CACNA2D3: variants seen among roughly 807,000 people sequenced by gnomAD.
The protein encoded by CACNA2D3 is voltage-dependent calcium channel subunit alpha-2/delta-3.
CACNA2D3 carries 60 observed loss-of-function variants against 160.6 expected under a neutral mutation model. The ratio of observed to expected loss-of-function variants is 0.37; its 90% CI spans 0.30 to 0.46. The LOEUF is 0.46. Ranked by LOEUF, CACNA2D3 falls within the 20% of genes least tolerant of loss-of-function variation. The probability of loss-of-function intolerance (pLI) is 1.00; values close to 1 mark genes in which losing one functional copy is unlikely to be tolerated. For synonymous variants in CACNA2D3, 558 were observed against 492.9 expected, an observed-to-expected ratio of 1.13 and a Z score of -1.75; for missense variants, 1,205 against 1,365.0, an observed-to-expected ratio of 0.88 and a Z score of 1.85.
intron 27 of CACNA2D3, among the ~76,000 whole-genome samples, chr3:54,940,415 C>A (rs1017475159): frequency 3.9e-5 from 6 of 152,270 alleles, no homozygotes; most frequent in Admixed American, 1.3e-4. Flanking sequence ...GTGCCTAATG[C>A]TGTAAAATTA....
chr3:55,028,041 T>C (rs1299597109), intron 35 of CACNA2D3, among the ~76,000 whole-genome samples: 3 of 152,234 alleles, frequency 2.0e-5, no homozygotes, highest in African/African-American at 7.2e-5. Flanking sequence ...TCTACCCATA[T>C]AGCAGAAGTC....
intron 2 of CACNA2D3, among the ~76,000 whole-genome samples, chr3:54,194,083 G>A (rs1701028615): frequency 6.6e-6 from 1 of 152,084 alleles, no homozygotes; most frequent in Non-Finnish European, 1.5e-5. Context: ...GGGTGTGTGA[G>A]TGGTGGTGGG....
At chr3:54,529,435 C>T (rs928653820) in intron 5 of CACNA2D3, among the ~76,000 whole-genome samples, 1 of 152,196 alleles carries the variant, frequency 6.6e-6, no homozygotes, top group Non-Finnish European at 1.5e-5. Context: ...TGTGCTACAG[C>T]CATTAAGAAT....
intron 4 of CACNA2D3, among the ~76,000 whole-genome samples, chr3:54,477,179 A>G (rs1406899234): frequency 6.6e-6 from 1 of 152,134 alleles, no homozygotes; most frequent in Non-Finnish European, 1.5e-5. Context: ...ATTAGCTCAT[A>G]TGTAAAGTGA....
chr3:54,882,601 A>G (rs1699826714), intron 21 of CACNA2D3, among the ~76,000 whole-genome samples: 1 of 152,166 alleles, frequency 6.6e-6, no homozygotes, highest in African/African-American at 2.4e-5. Context: ...ATCCACCCAA[A>G]TGAGGTCATA....
chr3:54,542,135 C>T (rs556707774), intron 5 of CACNA2D3, among the ~76,000 whole-genome samples: 40 of 151,840 alleles, frequency 2.6e-4, no homozygotes, highest in African/African-American at 7.2e-4. Flanking sequence ...GATCTCGGCT[C>T]GCTGCAACCT....
chr3:54,721,306 TTC>T (rs1383891592), intron 11 of CACNA2D3, among the ~76,000 whole-genome samples: 3 of 152,230 alleles, frequency 2.0e-5, no homozygotes, highest in Non-Finnish European at 2.9e-5. Context: ...TTCCCCCATT[TTC>T]TGTGTTATTA....
rs186281060 is a variant in CACNA2D3 at position 54,466,942 on chromosome 3, G to T, written c.382-36550G>T. Among the ~76,000 whole-genome samples, 16 of 152,282 alleles carry T rather than the reference G, an allele frequency of 1.1e-4. No homozygotes were observed. In the East Asian group the frequency reaches 2.7e-3, roughly 26 times the overall value. ...AAGAAAAGTTCAGATGGTCCTGCTG[G>T]GTTCTGCTGTGCTGTGGCTTATAGC... On this transcript the variant is annotated intron_variant, in intron 4 of 37. Coordinates refer to ENST00000474759, the MANE Select transcript of CACNA2D3 (RefSeq NM_018398.3).
chr3:54,193,465 T>A (rs1374581603), intron 2 of CACNA2D3, among the ~76,000 whole-genome samples: 3 of 152,340 alleles, frequency 2.0e-5, no homozygotes, highest in Admixed American at 1.3e-4. Flanking sequence ...ATCATAATAG[T>A]AAACATTTGA....
chr3:54,346,177 C>T (rs977654410), intron 3 of CACNA2D3, among the ~76,000 whole-genome samples: 2 of 152,174 alleles, frequency 1.3e-5, no homozygotes, highest in Non-Finnish European at 2.9e-5. Context: ...GTAAGTGTTA[C>T]TTCCCGAGAT....
intron 3 of CACNA2D3, among the ~76,000 whole-genome samples, chr3:54,357,392 T>C (rs1258574866): frequency 6.6e-6 from 1 of 152,216 alleles, no homozygotes; most frequent in East Asian, 1.9e-4. Flanking sequence ...CATTCACATC[T>C]TTTATTGAAA....
At chr3:54,869,044 A>T (rs1343230839) in intron 17 of CACNA2D3, among the ~76,000 whole-genome samples, 2 of 152,208 alleles carry the variant, frequency 1.3e-5, no homozygotes, top group Non-Finnish European at 2.9e-5. Flanking sequence ...GCTCAGGATC[A>T]CACACCCAAT....
intron 5 of CACNA2D3, among the ~76,000 whole-genome samples, chr3:54,507,820 A>G (rs1270396239): frequency 6.6e-6 from 1 of 152,214 alleles, no homozygotes; most frequent in Non-Finnish European, 1.5e-5. Context: ...GTAACTGCAT[A>G]CAATACCTGT....
At chr3:54,567,623 C>T (rs1045831985) in intron 6 of CACNA2D3, among the ~76,000 whole-genome samples, 2 of 152,188 alleles carry the variant, frequency 1.3e-5, no homozygotes, top group Admixed American at 6.5e-5. Context: ...GCAACCTCTG[C>T]TGCCCAAGTT....
At chr3:54,388,288 A>T (rs773850861) in intron 4 of CACNA2D3, among the ~76,000 whole-genome samples, 7 of 152,180 alleles carry the variant, frequency 4.6e-5, no homozygotes, top group African/African-American at 9.7e-5. Flanking sequence ...ATTTGGGATA[A>T]TGATACCCAA....
chr3:54,298,944 T>TAAA (rs59100168), intron 2 of CACNA2D3, among the ~76,000 whole-genome samples: 13 of 99,310 alleles, frequency 1.3e-4, no homozygotes, highest in East Asian at 5.8e-4. Context: ...CTCTGTTTCT[T>TAAA]AAAAAAAAAA....
At chr3:54,664,850 T>A (rs543828) in intron 11 of CACNA2D3, among the ~76,000 whole-genome samples, 123,661 of 152,112 alleles carry the variant, frequency 0.81, 52,025 homozygotes, top group Non-Finnish European at 0.93. Context: ...AGGTGGAGGC[T>A]CTGGCTGTGT....
intron 11 of CACNA2D3, among the ~76,000 whole-genome samples, chr3:54,685,540 A>G (rs945359118): frequency 3.3e-5 from 5 of 152,240 alleles, no homozygotes; most frequent in African/African-American, 1.2e-4. Flanking sequence ...GCTGTATATT[A>G]CAGTGACTAA....
chr3:54,844,232 C>A (rs115971521), intron 16 of CACNA2D3, among the ~76,000 whole-genome samples: 2,336 of 152,088 alleles, frequency 0.015, 57 homozygotes, highest in African/African-American at 0.053. Flanking sequence ...AAGCAATGGG[C>A]TAAGAAAAGT....
Sources: allele counts gnomAD v4.1 joint callset (sites outside exome capture counted in the v4.1 genomes callset), GRCh38; gene constraint gnomAD v4.1.1; transcripts MANE v1.5; gene names NCBI Gene and HGNC (gene_info 2026-07-23, HGNC 2026-07-21).